KIF19: variants seen among roughly 807,000 people sequenced by gnomAD.
The protein encoded by KIF19 is kinesin family member 19, also known as kinesin-like protein KIF19.
In KIF19, 98 loss-of-function variants were observed where a neutral mutation model predicts 106.6. The observed-to-expected ratio is 0.92, with a 90% CI of 0.78 to 1.09. The LOEUF is 1.09. KIF19 is among the 50% of genes least tolerant of loss of function. The pLI, the probability that KIF19 is intolerant of heterozygous loss-of-function variation, is 0.00. For synonymous variants in KIF19, 516 were observed against 584.2 expected, an observed-to-expected ratio of 0.88 and a Z score of 1.68; for missense variants, 1,373 against 1,414.3, an observed-to-expected ratio of 0.97 and a Z score of 0.47.
intron 3 of KIF19, 23 bp downstream of exon 3, chr17:74,342,009 G>A (rs558537926): frequency 1.3e-6 from 2 of 1,502,816 alleles, no homozygotes; most frequent in East Asian, 2.4e-5. Context: ...CTGGGCTGGA[G>A]ACACGCAGGA....
At position 74,344,217 on chromosome 17, in the gene KIF19, C is replaced by T. The variant is rs115887531; in HGVS notation, c.457-6C>T. ...TCCCCCACCCCTCCCCCACCTGTCC[C>T]GTCAGATCTACAATGAGATGATCCG... On this transcript the variant is annotated splice_polypyrimidine_tract_variant and splice_region_variant and intron_variant, in intron 5 of 19. Coordinates refer to ENST00000389916, the MANE Select transcript of KIF19 (RefSeq NM_153209.4). 1.4e-3 allele frequency: 2,326 copies of T among 1,611,082 alleles called. 43 individuals carry two copies. In the East Asian group the frequency reaches 0.036, roughly 25 times the overall value.
chr17:74,344,874 C>T lies in KIF19; in HGVS notation c.696C>T (p.Ser232=), dbSNP rs1414857890. 6.2e-7 allele frequency: 1 copy of T among 1,612,716 alleles called. No individual in the cohort carries two copies. Among genetic ancestry groups the T allele is most frequent in the Admixed American group, 1.7e-5 (1 of 60,010 alleles). Residue 232 remains serine (S), a synonymous_variant, in exon 7 of 20, where the codon AGC becomes AGT. Coordinates refer to ENST00000389916, the MANE Select transcript of KIF19 (RefSeq NM_153209.4). ...TGCAGGTGACCGTGCGCCAGCGCAG[C>T]CGGGTCAAGAACATCTTGCAGGAGG... is the stretch of plus-strand genomic sequence containing the variant. ...AVLQVTVRQR[S]RVKNILQEVR...
chr17:74,347,877 G>A lies in KIF19; in HGVS notation c.1025G>A (p.Arg342Gln), dbSNP rs561533211. 3.5e-5 allele frequency: 56 copies of A among 1,583,754 alleles called. No individual in the cohort carries two copies. Among genetic ancestry groups the A allele is most frequent in the East Asian group, 6.9e-5 (3 of 43,202 alleles). ...ESRNTLTYAG[R>Q]AKNIKTRVKQ... ...CGGAACACCCTGACCTACGCCGGCCGGGCCAAGAACATTAAGACTAGGGTG... is the reference window on the plus strand; with the variant it reads ...CGGAACACCCTGACCTACGCCGGCCAGGCCAAGAACATTAAGACTAGGGTG... The change falls in exon 9 of 20, where the codon CGG (arginine) becomes CAG (glutamine). Residue 342 changes from arginine (R) to glutamine (Q), a missense_variant. By Grantham distance (43) the Arg-to-Gln change is conservative. Transcript: ENST00000389916.
At position 74,328,481 on chromosome 17, in the gene KIF19, C is replaced by T. The variant is rs1185856180; in HGVS notation, c.96C>T (p.Leu32=). The T allele has an allele frequency of 6.2e-7, 1 of 1,609,080 alleles. No homozygotes were observed. The highest frequency in any genetic ancestry group is 1.3e-5 in the African/African-American group (1 of 74,958). ...CAGAGCTGGAGGAAGGAGCTACCCT[C>T]ATCGCCCATAAAGTGGATGAGCAGG... ...SVAELEEGAT[L]IAHKVDEQMV... The change falls in exon 2 of 20, where the codon CTC becomes CTT. Residue 32 remains leucine (L), a synonymous_variant. Transcript: ENST00000389916.
At chr17:74,342,101 T>C (rs1288066437) in intron 3 of KIF19, 115 bp downstream of exon 3, 5 of 726,558 alleles carry the variant, frequency 6.9e-6, no homozygotes, top group South Asian at 3.2e-5. Context: ...CTCCACCTGC[T>C]CACCCTCTGT....
chr17:74,329,022 C>T (rs1258203424), intron 2 of KIF19: 1 of 153,002 alleles, frequency 6.5e-6, no homozygotes, highest in Non-Finnish European at 1.5e-5. Flanking sequence ...GTCCTCTCTC[C>T]ATTACCTTAA....
chr17:74,355,345 C>A lies in KIF19; in HGVS notation c.*33C>A. ...TGCCTGGAACTGGCTCTCTCACCTCCCAAGACTGAATGGGGTCTAGCAGGG... is the reference window on the plus strand; with the variant it reads ...TGCCTGGAACTGGCTCTCTCACCTCACAAGACTGAATGGGGTCTAGCAGGG... On this transcript the variant is annotated 3_prime_UTR_variant, in exon 20 of 20. Coordinates refer to ENST00000389916, the MANE Select transcript of KIF19 (RefSeq NM_153209.4). 1 of 1,572,142 alleles carries A rather than the reference C, an allele frequency of 6.4e-7. No homozygotes were observed. The highest frequency in any genetic ancestry group is 2.3e-5 in the East Asian group (1 of 43,746).
chr17:74,355,199 C>T lies in KIF19; in HGVS notation c.2884C>T (p.Pro962Ser), dbSNP rs1416413547. The T allele has an allele frequency of 6.2e-7, 1 of 1,608,126 alleles. No homozygotes were observed. The highest frequency in any genetic ancestry group is 8.5e-7 in the Non-Finnish European group (1 of 1,176,876). The part of the protein sequence containing the change: ...SQNTGPGDSS[P>S]LAVPPNPGGG... ...TGTTGCAGGCCCGGGGGACTCCTCA[C>T]CCCTGGCTGTTCCCCCCAACCCAGG... The change falls in exon 20 of 20, where the codon CCC (proline) becomes TCC (serine). Residue 962 changes from proline (P) to serine (S), a missense_variant. By Grantham distance (74) the Pro-to-Ser change is moderately conservative. This residue lies in a region of KIF19 where 1,020 missense variants were observed against 1,008.2 expected (regional missense o/e 1.01). Transcript: ENST00000389916.
At chr17:74,342,579 G>A in intron 3 of KIF19, 51 bp from the exon 4 acceptor site, 1 of 1,437,116 alleles carries the variant, frequency 7.0e-7, no homozygotes, top group Non-Finnish European at 9.8e-7. Context: ...GTGGGTGCCT[G>A]TGCTGTGCCC....
intron 2 of KIF19, among the ~76,000 whole-genome samples, chr17:74,332,179 A>AGTGT (rs1270595840): frequency 0.047 from 5,505 of 117,560 alleles, 184 homozygotes; most frequent in South Asian, 0.066. Context: ...TGAACACCTC[A>AGTGT]GTGTGTGTGT....
At chr17:74,329,244 C>T (rs2054004327) in intron 2 of KIF19, 1 of 152,054 alleles carries the variant, frequency 6.6e-6, no homozygotes, top group Admixed American at 6.5e-5. Context: ...GTCAAGAGAT[C>T]AAGACCATCC....
chr17:74,352,852 G>T lies in KIF19; in HGVS notation c.2012G>T (p.Gly671Val), dbSNP rs1478931935. Residue 671 changes from glycine to valine, a missense_variant, in exon 15 of 20, where the codon GGA becomes GTA. Coordinates refer to ENST00000389916, the MANE Select transcript of KIF19 (RefSeq NM_153209.4). ...DSSLPKITPA[G>V]TSLTPDSDLE... ...TCCTTGCCCAAAATTACCCCAGCAGGAACCTCACTGACCCCAGATTCTGAC... is the reference window on the plus strand; with the variant it reads ...TCCTTGCCCAAAATTACCCCAGCAGTAACCTCACTGACCCCAGATTCTGAC... The T allele has an allele frequency of 6.2e-7, 1 of 1,613,960 alleles. No individual in the cohort carries two copies. Among genetic ancestry groups the T allele is most frequent in the Non-Finnish European group, 8.5e-7 (1 of 1,179,888 alleles).
chr17:74,352,036 G>A lies in KIF19; in HGVS notation c.1757G>A (p.Arg586His). 1 of 1,572,598 alleles carries A rather than the reference G, an allele frequency of 6.4e-7. No homozygotes were observed. The change falls in exon 13 of 20, where the codon CGC becomes CAC. Residue 586 changes from arginine to histidine, a missense_variant. Arg to His is a conservative substitution (Grantham distance 29, BLOSUM62 0). Coordinates refer to ENST00000389916, the MANE Select transcript of KIF19 (RefSeq NM_153209.4). Reference protein sequence around the residue: ...NTEMQSHALLRDGALRHRHEA... With the variant: ...NTEMQSHALLHDGALRHRHEA... The stretch of plus-strand genomic sequence containing the variant: ...GAGATGCAGTCGCACGCGCTGCTCC[G>A]CGACGGTGCGCTCCGCCACCGCCAC...
Position 74,355,645 on chromosome 17 carries a change from G to A in KIF19, c.*333G>A, listed in dbSNP as rs562461294. Reference sequence around the variant, plus strand: ...GGAGGAAAGCAGCTGACAGTGAGACGGGGCTCCTGGCCCACGTGTGGGGCA... The same window carrying A: ...GGAGGAAAGCAGCTGACAGTGAGACAGGGCTCCTGGCCCACGTGTGGGGCA... On this transcript the variant is annotated 3_prime_UTR_variant, in exon 20 of 20. Coordinates refer to ENST00000389916, the MANE Select transcript of KIF19 (RefSeq NM_153209.4). 63 of 219,938 alleles carry A rather than the reference G, an allele frequency of 2.9e-4. No homozygotes were observed. The highest frequency in any genetic ancestry group is 1.3e-3 in the African/African-American group (56 of 44,338). 13.6% of individuals were successfully genotyped at this position (219,938 alleles called of 1,614,324 possible).
At chr17:74,335,090 G>T (rs567746002) in intron 2 of KIF19, among the ~76,000 whole-genome samples, 40 of 152,338 alleles carry the variant, frequency 2.6e-4, no homozygotes, top group African/African-American at 9.4e-4. Flanking sequence ...TTTGCCACTA[G>T]CCTTGGAGGC....
chr17:74,349,407 G>A, intron 10 of KIF19, 58 bp downstream of exon 10: 1 of 1,496,816 alleles, frequency 6.7e-7, no homozygotes, highest in African/African-American at 1.4e-5. Context: ...ACGTTGCTCT[G>A]GGATCAGGCC....
chr17:74,353,354 A>C, intron 16 of KIF19, 53 bp downstream of exon 16: 1 of 1,489,814 alleles, frequency 6.7e-7, no homozygotes, highest in South Asian at 1.2e-5. Flanking sequence ...CGGGTGCGGG[A>C]CATGGGGGTG....
At chr17:74,337,334 C>T (rs374440891) in intron 2 of KIF19, among the ~76,000 whole-genome samples, 76 of 117,182 alleles carry the variant, frequency 6.5e-4, no homozygotes, top group African/African-American at 2.3e-3. Context: ...TGCATGTGCT[C>T]ACGGGGTGGG....
intron 15 of KIF19, 30 bp downstream of exon 15, chr17:74,352,984 C>T (rs945404276): frequency 1.2e-6 from 2 of 1,612,456 alleles, no homozygotes; most frequent in Non-Finnish European, 8.5e-7. Context: ...CCCCAGCCCC[C>T]ACCCTGTGCC....
Sources: gnomAD v4.1 joint callset for allele counts (sites outside exome capture counted in the v4.1 genomes callset) on GRCh38, gnomAD v4.1.1 for gene constraint, gnomAD v4.1.1 regional missense constraint, MANE v1.5 for transcripts, NCBI Gene and HGNC (gene_info 2026-07-23, HGNC 2026-07-21) for gene names.